LUZP2: variants seen among roughly 807,000 people sequenced by gnomAD.
The protein encoded by LUZP2 is leucine zipper protein 2.
Under a neutral mutation model 51.6 loss-of-function variants are expected in LUZP2, and 52 were observed. The ratio of observed to expected loss-of-function variants is 1.01; its 90% CI spans 0.81 to 1.27. The LOEUF is 1.27. LUZP2 is among the 50% of genes most tolerant of loss of function. LUZP2 has a pLI of 0.00. For missense variants in LUZP2, 436 were observed against 395.4 expected, an observed-to-expected ratio of 1.10 and a Z score of -0.87; for synonymous variants, 154 against 137.3, an observed-to-expected ratio of 1.12 and a Z score of -0.85.
At chr11:24,756,445 A>G (rs1331896574) in intron 4 of LUZP2, among the ~76,000 whole-genome samples, 7 of 152,240 alleles carry the variant, frequency 4.6e-5, no homozygotes, top group Admixed American at 4.6e-4. Flanking sequence ...TTCCACTGAT[A>G]GCTTTTACCT....
chr11:24,906,177 G>A, intron 6 of LUZP2, 124 bp downstream of exon 6: 4 of 500,100 alleles, frequency 8.0e-6, no homozygotes, highest in South Asian at 4.0e-5. Context: ...TTTTTAAATA[G>A]AAAAATATAA....
intron 7 of LUZP2, among the ~76,000 whole-genome samples, chr11:24,914,835 C>T (rs577212939): frequency 3.9e-4 from 60 of 152,166 alleles, no homozygotes; most frequent in Middle Eastern, 3.4e-3. Flanking sequence ...GAGAGACTTA[C>T]GCAAAGGTAG....
intron 5 of LUZP2, among the ~76,000 whole-genome samples, chr11:24,900,108 G>A (rs537173995): frequency 5.9e-5 from 9 of 152,088 alleles, no homozygotes; most frequent in African/African-American, 1.9e-4. Context: ...TAATGATTTC[G>A]AATGTATACT....
At chr11:24,698,507 G>A (rs1270071662) in intron 1 of LUZP2, among the ~76,000 whole-genome samples, 2 of 152,076 alleles carry the variant, frequency 1.3e-5, no homozygotes, top group Admixed American at 6.6e-5. Flanking sequence ...AAGGCTTCAG[G>A]ATTTTGATCT....
intron 5 of LUZP2, among the ~76,000 whole-genome samples, chr11:24,814,659 T>C (rs539366289): frequency 1.3e-5 from 2 of 152,300 alleles, no homozygotes; most frequent in East Asian, 1.9e-4. Context: ...CAAGAAGATA[T>C]TTAAATCCTA....
chr11:24,569,543 T>C (rs1852357893), intron 1 of LUZP2, among the ~76,000 whole-genome samples: 1 of 152,012 alleles, frequency 6.6e-6, no homozygotes, highest in Non-Finnish European at 1.5e-5. Flanking sequence ...CAATTCTCTT[T>C]CATCAGATAA....
At chr11:24,976,716 A>G in intron 8 of LUZP2, 51 bp downstream of exon 8, 2 of 868,320 alleles carry the variant, frequency 2.3e-6, no homozygotes, top group Non-Finnish European at 1.7e-6. Context: ...CAAAAAAAAA[A>G]AAAAAAAAAA....
At chr11:25,071,155 T>G (rs1859146479) in intron 10 of LUZP2, among the ~76,000 whole-genome samples, 1 of 152,048 alleles carries the variant, frequency 6.6e-6, no homozygotes, top group Non-Finnish European at 1.5e-5. Flanking sequence ...CATACCTATT[T>G]GTATCTTGAT....
At chr11:24,907,598 C>T (rs964401117) in intron 6 of LUZP2, among the ~76,000 whole-genome samples, 3 of 151,984 alleles carry the variant, frequency 2.0e-5, no homozygotes, top group Non-Finnish European at 4.4e-5. Context: ...GTGAGTATTA[C>T]TTACAAGAGG....
intron 5 of LUZP2, among the ~76,000 whole-genome samples, chr11:24,785,641 T>C (rs1017739628): frequency 6.6e-6 from 1 of 151,998 alleles, no homozygotes; most frequent in Non-Finnish European, 1.5e-5. Context: ...ATTCCAATAA[T>C]AACATGTTAT....
rs150488851 is a variant in LUZP2, at chr11:24,722,687, G to A, written c.63-6482G>A. ...AATCCCAGCACTTTGGGAGGCCAAGGCAGGAGGATCATTTGAGGTCAGGAG... is the reference window on the plus strand; with the variant it reads ...AATCCCAGCACTTTGGGAGGCCAAGACAGGAGGATCATTTGAGGTCAGGAG... On this transcript the variant is annotated intron_variant, in intron 1 of 11. Transcript: ENST00000336930. Among the ~76,000 whole-genome samples the A allele has an allele frequency of 6.2e-3, 948 of 152,226 alleles. 16 individuals carry two copies. Among genetic ancestry groups the A allele is most frequent in the African/African-American group, 0.022 (920 of 41,530 alleles).
At chr11:24,701,435 A>T (rs1265300839) in intron 1 of LUZP2, 6 of 167,124 alleles carry the variant, frequency 3.6e-5, no homozygotes, top group African/African-American at 1.4e-4. Context: ...TGTAAAGGAG[A>T]AAAGGGGAAG....
chr11:24,596,373 T>C (rs531114519), intron 1 of LUZP2, among the ~76,000 whole-genome samples: 1 of 152,312 alleles, frequency 6.6e-6, no homozygotes, highest in East Asian at 1.9e-4. Context: ...TGAAGATAGG[T>C]AAAATTCATA....
At chr11:24,745,176 A>C (rs1004704810) in intron 4 of LUZP2, among the ~76,000 whole-genome samples, 31 of 152,078 alleles carry the variant, frequency 2.0e-4, no homozygotes, top group African/African-American at 7.5e-4. Context: ...AATAGAATGT[A>C]TATTCTGGGG....
chr11:24,678,926 C>T (rs561078537), intron 1 of LUZP2, among the ~76,000 whole-genome samples: 7 of 152,210 alleles, frequency 4.6e-5, no homozygotes, highest in Non-Finnish European at 8.8e-5. Context: ...GGCATCCAAG[C>T]CTGCACCGCA....
At chr11:24,677,193 G>A (rs899059275) in intron 1 of LUZP2, among the ~76,000 whole-genome samples, 4 of 151,922 alleles carry the variant, frequency 2.6e-5, no homozygotes, top group African/African-American at 4.8e-5. Flanking sequence ...TGTAACAGCC[G>A]CCCTCATGCT....
intron 5 of LUZP2, among the ~76,000 whole-genome samples, chr11:24,878,521 T>C (rs1565040606): frequency 6.6e-6 from 1 of 152,178 alleles, no homozygotes. Context: ...TACATTGTGA[T>C]AGTCTTCTTC....
At chr11:24,907,314 AAC>A (rs1554936275) in intron 6 of LUZP2, among the ~76,000 whole-genome samples, 7 of 151,740 alleles carry the variant, frequency 4.6e-5, no homozygotes, top group African/African-American at 1.7e-4. Context: ...AAAAAAAAAA[AAC>A]ATTAACACAA....
chr11:24,936,497 A>G (rs1474037328), intron 7 of LUZP2, among the ~76,000 whole-genome samples: 1 of 151,972 alleles, frequency 6.6e-6, no homozygotes, highest in Non-Finnish European at 1.5e-5. Context: ...ATTGCCTCTG[A>G]TTGTAAATAT....
Sources: gnomAD v4.1 joint callset for allele counts (sites outside exome capture counted in the v4.1 genomes callset) on GRCh38, gnomAD v4.1.1 for gene constraint, MANE v1.5 for transcripts, NCBI Gene and HGNC (gene_info 2026-07-23, HGNC 2026-07-21) for gene names.